CUX1: variants seen among roughly 807,000 people sequenced by gnomAD.
The protein encoded by CUX1 is cut like homeobox 1.
In CUX1, 31 loss-of-function variants were observed where a neutral mutation model predicts 158.8. The observed-to-expected ratio is 0.20, with a 90% CI of 0.15 to 0.26. The LOEUF (loss-of-function observed/expected upper bound fraction) is 0.26, where lower values mean the gene tolerates loss of function less well. Among genes scored for constraint, CUX1 ranks in the 10% least tolerant of loss-of-function variants. The pLI is 1.00. For missense variants in CUX1, 1,589 were observed against 2,014.6 expected (o/e 0.79, Z 4.04); for synonymous variants, 879 against 862.1 (o/e 1.02, Z -0.34).
At chr7:102,078,147 C>T (rs1461877170) in intron 4 of CUX1, among the ~76,000 whole-genome samples, 9 of 152,116 alleles carry the variant, frequency 5.9e-5, no homozygotes, top group African/African-American at 2.2e-4. Flanking sequence ...CTGGTACCAT[C>T]ATAGCTCATT....
intron 2 of CUX1, among the ~76,000 whole-genome samples, chr7:101,929,485 TTAA>T (rs1317288329): frequency 2.0e-5 from 3 of 152,240 alleles, no homozygotes; most frequent in Admixed American, 6.5e-5. Flanking sequence ...TGTGTAGGAT[TTAA>T]TAATAACTTC....
At chr7:101,855,647 A>G (rs181793594) in intron 1 of CUX1, among the ~76,000 whole-genome samples, 30 of 152,278 alleles carry the variant, frequency 2.0e-4, no homozygotes, top group African/African-American at 7.2e-4. Flanking sequence ...TGGGAGGTCA[A>G]GGCGGGTGGA....
chr7:102,188,855 AG>A (rs1166370130), intron 11 of CUX1: 2 of 152,034 alleles, frequency 1.3e-5, no homozygotes, highest in East Asian at 3.9e-4. Flanking sequence ...AAGGAAAAAA[AG>A]GAAACAGGCC....
At chr7:101,866,198 A>C (rs1797912176) in intron 1 of CUX1, among the ~76,000 whole-genome samples, 1 of 152,136 alleles carries the variant, frequency 6.6e-6, no homozygotes, top group Non-Finnish European at 1.5e-5. Flanking sequence ...ATGGTGGCTC[A>C]CGCCTGTAAT....
chr7:102,032,220 C>G (rs1346174889), intron 3 of CUX1, among the ~76,000 whole-genome samples: 1 of 152,062 alleles, frequency 6.6e-6, no homozygotes, highest in Admixed American at 6.6e-5. Flanking sequence ...TGGGCCACCA[C>G]GCCTGGCCTG....
intron 1 of CUX1, among the ~76,000 whole-genome samples, chr7:101,852,667 ATTTTTTTTTTT>A (rs71106571): frequency 1.2e-4 from 9 of 76,040 alleles, no homozygotes; most frequent in African/African-American, 3.9e-4. Context: ...CTGCGTTGGA[ATTTTTTTTTTT>A]TTTTTTTTTT....
intron 1 of CUX1, among the ~76,000 whole-genome samples, chr7:101,849,769 A>G (rs923577636): frequency 6.6e-6 from 1 of 152,102 alleles, no homozygotes. Flanking sequence ...GTCTTCTATA[A>G]TGGCTGAACT....
chr7:101,954,603 G>GT (rs1027757792), intron 2 of CUX1, among the ~76,000 whole-genome samples: 1 of 151,960 alleles, frequency 6.6e-6, no homozygotes, highest in African/African-American at 2.4e-5. Flanking sequence ...GAGTGCAGGA[G>GT]TTTGAGACCA....
chr7:102,267,260 C>A (rs1790879707), intron 14 of CUX1, among the ~76,000 whole-genome samples: 1 of 152,086 alleles, frequency 6.6e-6, no homozygotes, highest in African/African-American at 2.4e-5. Flanking sequence ...GGCAGCCGGG[C>A]ATGTGGCTCA....
chr7:102,189,416 C>T (rs772683304), intron 11 of CUX1, among the ~76,000 whole-genome samples: 19 of 136,156 alleles, frequency 1.4e-4, no homozygotes, highest in Non-Finnish European at 2.5e-4. Context: ...GAGGTAGGGT[C>T]TCCACTCCTC....
intron 1 of CUX1, among the ~76,000 whole-genome samples, chr7:101,837,439 C>T (rs1026439224): frequency 6.6e-6 from 1 of 152,088 alleles, no homozygotes; most frequent in African/African-American, 2.4e-5. Context: ...GTGAATCTTA[C>T]CTCCTCTGTG....
chr7:101,978,563 T>C (rs1813008860), intron 2 of CUX1, among the ~76,000 whole-genome samples: 1 of 152,262 alleles, frequency 6.6e-6, no homozygotes, highest in South Asian at 2.1e-4. Flanking sequence ...GCGGCCTCAG[T>C]TTTATTTCTA....
downstream of CUX1, among the ~76,000 whole-genome samples, chr7:102,261,527 G>A (rs1184698771): frequency 6.7e-6 from 1 of 150,022 alleles, no homozygotes; most frequent in East Asian, 2.0e-4. Flanking sequence ...CCAATACGAA[G>A]AGCCCTTTTT....
chr7:101,816,102 C>T (rs367706315), upstream of CUX1: 107 of 1,359,276 alleles, frequency 7.9e-5, no homozygotes, highest in African/African-American at 1.5e-3. Context: ...AGGTCAGGCT[C>T]CTCCGCGCTC....
chr7:101,984,093 T>G, intron 2 of CUX1, among the ~76,000 whole-genome samples: 1 of 49,432 alleles, frequency 2.0e-5, no homozygotes, highest in African/African-American at 1.0e-4. Flanking sequence ...AAAAAAAATA[T>G]ATATATATAT....
chr7:102,112,463 G>A (rs1473231067), intron 7 of CUX1, among the ~76,000 whole-genome samples: 2 of 152,036 alleles, frequency 1.3e-5, no homozygotes, highest in Non-Finnish European at 2.9e-5. Flanking sequence ...GGATGGTCTC[G>A]ATCTCTTGAC....
At chr7:102,196,557 C>A in intron 14 of CUX1, 77 bp from the exon 15 acceptor site, 1 of 1,365,610 alleles carries the variant, frequency 7.3e-7, no homozygotes, top group Non-Finnish European at 9.7e-7. Flanking sequence ...CGGGGGCAAA[C>A]TTTTGCATTT....
chr7:102,027,289 C>G (rs1485889610), intron 2 of CUX1, among the ~76,000 whole-genome samples: 1 of 152,104 alleles, frequency 6.6e-6, no homozygotes, highest in Non-Finnish European at 1.5e-5. Flanking sequence ...GAGAGAATCA[C>G]TCAAACCCAG....
At chr7:101,843,714 C>G (rs942363497) in intron 1 of CUX1, among the ~76,000 whole-genome samples, 1 of 152,122 alleles carries the variant, frequency 6.6e-6, no homozygotes, top group African/African-American at 2.4e-5. Context: ...ATAGGGACCT[C>G]GTTTCCTCCC....
Sources: gnomAD v4.1 joint callset for allele counts (sites outside exome capture counted in the v4.1 genomes callset) on GRCh38, gnomAD v4.1.1 for gene constraint, MANE v1.5 for transcripts, NCBI Gene and HGNC (gene_info 2026-07-23, HGNC 2026-07-21) for gene names.